Variants in P2RY12 observed in about 807,000 individuals in gnomAD.
The protein encoded by P2RY12 is P2Y purinoceptor 12.
A neutral mutation model predicts 4.5 loss-of-function variants in P2RY12; 3 were observed. The ratio of observed to expected loss-of-function variants is 0.67; its 90% CI spans 0.31 to 1.74. P2RY12 has a LOEUF of 1.74. Ranked by LOEUF, P2RY12 falls within the 40% of genes most tolerant of loss-of-function variation. The pLI is 0.09. For missense variants in P2RY12, 356 were observed against 407.8 expected, an observed-to-expected ratio of 0.87 and a Z score of 1.09; for synonymous variants, 148 against 154.1, an observed-to-expected ratio of 0.96 and a Z score of 0.29.
chr3:151,374,659 A>T (rs1348084177), intron 1 of P2RY12, among the ~76,000 whole-genome samples: 1 of 152,238 alleles, frequency 6.6e-6, no homozygotes, highest in Non-Finnish European at 1.5e-5. Context: ...CTAAGGGTTT[A>T]AAATACTGTG....
intron 1 of P2RY12, among the ~76,000 whole-genome samples, chr3:151,343,096 G>T (rs977486673): frequency 1.3e-5 from 2 of 152,042 alleles, no homozygotes; most frequent in Admixed American, 6.6e-5. Context: ...CCACTAAGAG[G>T]CCCCAGTAGT....
intron 1 of P2RY12, among the ~76,000 whole-genome samples, chr3:151,381,843 T>C (rs1431109289): frequency 6.6e-6 from 1 of 152,220 alleles, no homozygotes; most frequent in Non-Finnish European, 1.5e-5. Flanking sequence ...TGCTTTCCTC[T>C]CACCTTGCAG....
At chr3:151,373,317 A>C (rs1402767079) in intron 1 of P2RY12, among the ~76,000 whole-genome samples, 2 of 152,134 alleles carry the variant, frequency 1.3e-5, no homozygotes, top group Non-Finnish European at 1.5e-5. Flanking sequence ...TGTGATGTCC[A>C]TTTGCACCTC....
chr3:151,368,610 ATT>A (rs1755611953), intron 1 of P2RY12, among the ~76,000 whole-genome samples: 2 of 67,648 alleles, frequency 3.0e-5, no homozygotes, highest in African/African-American at 7.0e-5. Flanking sequence ...ATTTTATTTT[ATT>A]TTATTTTATT....
chr3:151,377,450 G>A (rs1756980632), intron 1 of P2RY12, among the ~76,000 whole-genome samples: 1 of 152,098 alleles, frequency 6.6e-6, no homozygotes, highest in Non-Finnish European at 1.5e-5. Context: ...GTGTTACGTA[G>A]TATTCATTAT....
chr3:151,378,239 T>TG, intron 1 of P2RY12: 1 of 1,449,450 alleles, frequency 6.9e-7, no homozygotes, highest in African/African-American at 1.4e-5. Flanking sequence ...TCACTTCCTG[T>TG]AAACCTGTGT....
intron 1 of P2RY12, chr3:151,383,668 G>T: frequency 6.1e-6 from 4 of 651,058 alleles, no homozygotes; most frequent in Non-Finnish European, 8.0e-6. Context: ...ATAAACTAGA[G>T]CATCCCTTGT....
intron 1 of P2RY12, among the ~76,000 whole-genome samples, chr3:151,375,622 G>A (rs1404881296): frequency 1.3e-5 from 2 of 152,078 alleles, no homozygotes; most frequent in Admixed American, 6.5e-5. Context: ...GTTATACTAT[G>A]TTGTATCTAG....
At chr3:151,348,316 T>A (rs1752780018) in intron 1 of P2RY12, among the ~76,000 whole-genome samples, 1 of 133,076 alleles carries the variant, frequency 7.5e-6, no homozygotes, top group Admixed American at 8.7e-5. Flanking sequence ...TTCCTAGGGT[T>A]CATATGTACA....
chr3:151,345,268 T>A, intron 1 of P2RY12, among the ~76,000 whole-genome samples: 1 of 152,172 alleles, frequency 6.6e-6, no homozygotes, highest in East Asian at 1.9e-4. Flanking sequence ...GACTCTCCAG[T>A]TGATGCTTTT....
intron 1 of P2RY12, chr3:151,376,754 A>T: frequency 6.8e-7 from 1 of 1,470,410 alleles, no homozygotes; most frequent in Non-Finnish European, 9.5e-7. Context: ...CTGTATTTTA[A>T]CACATTTGAT....
At chr3:151,376,154 C>A (rs1424552495) in intron 1 of P2RY12, 1 of 1,609,386 alleles carries the variant, frequency 6.2e-7, no homozygotes. Context: ...ATCCTCATGG[C>A]ATTAAAGAAT....
intron 1 of P2RY12, among the ~76,000 whole-genome samples, chr3:151,359,114 G>A (rs1754302284): frequency 1.3e-5 from 2 of 152,086 alleles, no homozygotes; most frequent in Admixed American, 1.3e-4. Flanking sequence ...CCCAGTGTCT[G>A]TTGTTCTCAT....
chr3:151,360,494 A>G (rs1754479503), intron 1 of P2RY12: 3 of 1,612,730 alleles, frequency 1.9e-6, no homozygotes, highest in Non-Finnish European at 2.5e-6. Flanking sequence ...GTGGTCAAGC[A>G]TGTCGTAAAC....
At position 151,357,093 on chromosome 3, in the gene P2RY12, TA is replaced by T. The variant is rs1465834721; in HGVS notation, c.-179-16334del. ...AAAGGATTAAAAATTTTAAAAAAGT[TA>T]AATTTAGGGAATGTATTTGTAGTGT... On this transcript the variant is annotated intron_variant, in intron 1 of 2. Coordinates refer to ENST00000302632, the MANE Select transcript of P2RY12 (RefSeq NM_022788.5). The T allele has an allele frequency of 7.6e-5, 69 of 903,826 alleles. No individual in the cohort carries two copies. In the African/African-American group the frequency reaches 1.0e-3, roughly 13 times the overall value. 56.0% of individuals were successfully genotyped at this position (903,826 alleles called of 1,614,324 possible).
chr3:151,338,510 A>C lies in P2RY12; in HGVS notation c.336T>G (p.Ile112Met). The change falls in exon 3 of 3, where the codon ATT (isoleucine) becomes ATG (methionine). Residue 112 changes from isoleucine (I) to methionine (M), a missense_variant. Ile to Met is a conservative substitution (Grantham distance 10). Transcript: ENST00000302632. ...CGATAGTTATCAGTCCCAGGAATGA[A>C]ATACTGATATACATTGTGAAATAAA... ...VIFYFTMYIS[I>M]SFLGLITIDR... is the part of the protein sequence containing the mutation. The C allele has an allele frequency of 1.2e-6, 2 of 1,613,994 alleles. No individual in the cohort carries two copies.
At chr3:151,348,793 A>G (rs1752883702) in intron 1 of P2RY12, among the ~76,000 whole-genome samples, 1 of 152,228 alleles carries the variant, frequency 6.6e-6, no homozygotes, top group South Asian at 2.1e-4. Context: ...AGAGAAAAAC[A>G]GGCGCTTAGT....
In P2RY12 at chr3:151,353,946, C is replaced by T. The variant is rs945442685; in HGVS notation, c.-179-13186G>A. On this transcript the variant is annotated intron_variant, in intron 1 of 2. Coordinates refer to ENST00000302632, the MANE Select transcript of P2RY12 (RefSeq NM_022788.5). ...CACGAGGTCAGGAGATCGAGACCATCCCGGCTAACACGGTGAAACCCCGTC... is the reference window on the plus strand; with the variant it reads ...CACGAGGTCAGGAGATCGAGACCATTCCGGCTAACACGGTGAAACCCCGTC... Among the ~76,000 whole-genome samples the T allele has an allele frequency of 2.8e-4, 43 of 151,606 alleles. 1 individual carries two copies. The highest frequency in any genetic ancestry group is 2.1e-4 in the South Asian group (1 of 4,788).
rs1363367541 is a variant in P2RY12 at position 151,336,887 on chromosome 3, A to G, written c.*930T>C. The stretch of plus-strand genomic sequence containing the variant: ...TAAATTTTGTATTTTATACACACCA[A>G]TACAAACAAGTAATTACAAACAGAT... On this transcript the variant is annotated 3_prime_UTR_variant, in exon 3 of 3. Coordinates refer to ENST00000302632, the MANE Select transcript of P2RY12 (RefSeq NM_022788.5). 1 of 170,920 alleles carries G rather than the reference A, an allele frequency of 5.9e-6. No homozygotes were observed. The highest frequency in any genetic ancestry group is 2.4e-5 in the African/African-American group (1 of 41,654). The allele number at this position is 170,920 out of a possible 1,614,324, so 10.6% of individuals were successfully genotyped here.
Sources: allele counts gnomAD v4.1 joint callset (sites outside exome capture counted in the v4.1 genomes callset), GRCh38; gene constraint gnomAD v4.1.1; transcripts MANE v1.5; gene names NCBI Gene and HGNC (gene_info 2026-07-23, HGNC 2026-07-21).